DCC: variants seen among roughly 807,000 people sequenced by gnomAD.
DCC encodes the protein DCC netrin 1 receptor, also known as netrin receptor DCC.
In DCC, 58 loss-of-function variants were observed where a neutral mutation model predicts 172.5. The observed-to-expected ratio is 0.34, with a 90% confidence interval of 0.27 to 0.42. The LOEUF is 0.42. Among genes scored for constraint, DCC ranks in the 10% least tolerant of loss-of-function variants. The pLI, the probability that DCC is intolerant of heterozygous loss-of-function variation, is 1.00. For synonymous variants in DCC, 709 were observed against 644.5 expected (o/e 1.10, Z -1.52); for missense variants, 1,740 against 1,791.0 (o/e 0.97, Z 0.51).
Position 53,513,540 on chromosome 18 carries a change from A to C in DCC, c.4112-13077A>C, listed in dbSNP as rs374331886. The stretch of plus-strand genomic sequence containing the variant: ...TGGCAAATTGGATAAAGAGTCAAGA[A>C]CCATCAGTGTGCTGTATTCAGGAAA... On this transcript the variant is annotated intron_variant, in intron 27 of 28. Transcript: ENST00000442544. Among the ~76,000 whole-genome samples the C allele has an allele frequency of 9.2e-5, 14 of 152,308 alleles. No individual in the cohort carries two copies. In the South Asian group the frequency reaches 1.5e-3, roughly 16 times the overall value.
At chr18:52,595,551 C>T (rs188387564) in intron 1 of DCC, among the ~76,000 whole-genome samples, 32 of 152,220 alleles carry the variant, frequency 2.1e-4, no homozygotes, top group South Asian at 1.2e-3. Flanking sequence ...CATTCAAATC[C>T]GCACCCTCAT....
intron 2 of DCC, among the ~76,000 whole-genome samples, chr18:52,786,513 C>T (rs2037663585): frequency 6.6e-6 from 1 of 152,004 alleles, no homozygotes; most frequent in Admixed American, 6.6e-5. Context: ...AAACTTTAAC[C>T]TTATACTTGG....
chr18:53,008,808 C>A lies in DCC; in HGVS notation c.986-54497C>A, dbSNP rs111682153. ...AAAAAGGTACTAATTTTGATTTATT[C>A]AGAAAGCAAAAGCAATAGTAGCACT... On this transcript the variant is annotated intron_variant, in intron 5 of 28. Transcript: ENST00000442544. Among the ~76,000 whole-genome samples, 1,148 of 151,972 alleles carry A rather than the reference C, an allele frequency of 7.6e-3. 11 individuals are homozygous for A. The highest frequency in any genetic ancestry group is 0.026 in the African/African-American group (1,088 of 41,516).
intron 1 of DCC, among the ~76,000 whole-genome samples, chr18:52,503,479 G>T (rs577208162): frequency 6.6e-6 from 1 of 152,056 alleles, no homozygotes; most frequent in Non-Finnish European, 1.5e-5. Context: ...ATAAGTATAC[G>T]TTTACCTATG....
At chr18:52,879,251 A>G (rs2145400058) in intron 2 of DCC, among the ~76,000 whole-genome samples, 1 of 152,070 alleles carries the variant, frequency 6.6e-6, no homozygotes, top group South Asian at 2.1e-4. Context: ...CATTTGAGGG[A>G]ATAAAGTGCC....
intron 1 of DCC, among the ~76,000 whole-genome samples, chr18:52,445,820 T>G (rs1988102015): frequency 6.6e-6 from 1 of 152,208 alleles, no homozygotes; most frequent in Admixed American, 6.5e-5. Context: ...TTGCTGGTCT[T>G]TTGGGGGAAG....
chr18:52,582,037 T>C (rs2033561546), intron 1 of DCC, among the ~76,000 whole-genome samples: 1 of 150,054 alleles, frequency 6.7e-6, no homozygotes, highest in East Asian at 2.0e-4. Context: ...TTTTAGTCCA[T>C]CAGGATAATG....
At chr18:53,220,551 G>T (rs900925787) in intron 12 of DCC, among the ~76,000 whole-genome samples, 9 of 152,156 alleles carry the variant, frequency 5.9e-5, no homozygotes, top group African/African-American at 2.2e-4. Context: ...TTAGTGAAGA[G>T]AAAGAGGATA....
intron 2 of DCC, among the ~76,000 whole-genome samples, chr18:52,820,052 T>C (rs2038377903): frequency 6.6e-6 from 1 of 152,130 alleles, no homozygotes; most frequent in Admixed American, 6.5e-5. Context: ...TTTTTCAACG[T>C]GGGAGTGAGC....
Position 52,343,185 on chromosome 18 carries a change from T to C in DCC, c.91+2307T>C, listed in dbSNP as rs1983732585. Among the ~76,000 whole-genome samples, 3 of 152,260 alleles carry C rather than the reference T, an allele frequency of 2.0e-5. No homozygotes were observed. The South Asian group carries it at 6.2e-4, about 31-fold the overall frequency. On this transcript the variant is annotated intron_variant, in intron 1 of 28. Transcript: ENST00000442544. ...TTCACAACACTCTGGCCTTTGCTCA[T>C]TAATCTGAGTATCACTTCTTTCTCT... is the stretch of plus-strand genomic sequence containing the variant.
At chr18:52,425,861 T>C (rs142918324) in intron 1 of DCC, among the ~76,000 whole-genome samples, 62 of 152,250 alleles carry the variant, frequency 4.1e-4, no homozygotes, top group Non-Finnish European at 8.7e-4. Context: ...CTACCTCCCA[T>C]GGTTGTTGAA....
chr18:52,353,283 A>G (rs1004044674), intron 1 of DCC, among the ~76,000 whole-genome samples: 2 of 151,930 alleles, frequency 1.3e-5, no homozygotes, highest in Non-Finnish European at 2.9e-5. Context: ...ATCAATACTC[A>G]TATAAGAACG....
At chr18:52,583,228 G>A (rs2144781074) in intron 1 of DCC, among the ~76,000 whole-genome samples, 1 of 152,242 alleles carries the variant, frequency 6.6e-6, no homozygotes, top group East Asian at 1.9e-4. Context: ...GCGTAAGATA[G>A]GTACTCTGTA....
intron 1 of DCC, among the ~76,000 whole-genome samples, chr18:52,610,161 AAAAAAAAAAAAAAAAAAAT>A (rs2034224704): frequency 1.3e-4 from 2 of 15,278 alleles, no homozygotes; most frequent in African/African-American, 6.4e-4. Flanking sequence ...TAAAAAAAAA[AAAAAAAAAAAAAAAAAAAT>A]ATATATATAT....
chr18:53,473,430 G>A (rs1280727870), intron 25 of DCC, among the ~76,000 whole-genome samples: 1 of 152,128 alleles, frequency 6.6e-6, no homozygotes, highest in Admixed American at 6.5e-5. Flanking sequence ...TGTTTGGAGA[G>A]CTCTTTTTTT....
intron 1 of DCC, among the ~76,000 whole-genome samples, chr18:52,664,476 C>CTTTTTTTTTTTTTT (rs374796439): frequency 3.6e-5 from 4 of 112,464 alleles, no homozygotes; most frequent in South Asian, 2.9e-4. Flanking sequence ...TTTTCTTTTT[C>CTTTTTTTTTTTTTT]TTTTTTTTTT....
chr18:53,505,151 G>A (rs561334237), intron 27 of DCC: 2 of 152,138 alleles, frequency 1.3e-5, no homozygotes, highest in Non-Finnish European at 2.9e-5. Flanking sequence ...ATTACATGGA[G>A]AGGAGATGTT....
chr18:52,554,288 C>T (rs1355877619), intron 1 of DCC, among the ~76,000 whole-genome samples: 1 of 151,984 alleles, frequency 6.6e-6, no homozygotes, highest in Admixed American at 6.6e-5. Context: ...CATGACATGC[C>T]ACAGGTTTCC....
At chr18:53,393,627 T>A (rs1312637499) in intron 17 of DCC, among the ~76,000 whole-genome samples, 1 of 152,252 alleles carries the variant, frequency 6.6e-6, no homozygotes, top group Non-Finnish European at 1.5e-5. Context: ...ATTGCTGTAC[T>A]TTGTAGATAC....
Sources: allele counts gnomAD v4.1 joint callset (sites outside exome capture counted in the v4.1 genomes callset), GRCh38; gene constraint gnomAD v4.1.1; transcripts MANE v1.5; gene names NCBI Gene and HGNC (gene_info 2026-07-23, HGNC 2026-07-21).